ZNF253: variants seen among roughly 807,000 people sequenced by gnomAD.
ZNF253 encodes zinc finger protein 253, also known as DNA-binding protein.
Under a neutral mutation model 11.9 loss-of-function variants are expected in ZNF253, and 8 were observed. The ratio of observed to expected loss-of-function variants is 0.67; its 90% CI spans 0.40 to 1.22. The LOEUF (loss-of-function observed/expected upper bound fraction) is 1.22. ZNF253 is among the 50% of genes most tolerant of loss of function. ZNF253 has a pLI of 0.01. For missense variants in ZNF253, 485 were observed against 586.9 expected (o/e 0.83, Z 1.79); for synonymous variants, 194 against 194.9 (o/e 1.00, Z 0.04).
At chr19:19,875,769 T>C (rs1024395717) in intron 1 of ZNF253, among the ~76,000 whole-genome samples, 3 of 151,982 alleles carry the variant, frequency 2.0e-5, no homozygotes, top group Non-Finnish European at 4.4e-5. Context: ...TTTAAAAAGT[T>C]GATGATGGAG....
In ZNF253 at chr19:19,894,320, T is replaced by C. The variant is rs1488239201; in HGVS notation, c.*1573T>C. ...GCTTTATGCTATTTTATTCCTATTA[T>C]ATTCACATGTGAAAGCATGTGATCA... is the stretch of plus-strand genomic sequence containing the variant. On this transcript the variant is annotated 3_prime_UTR_variant, in exon 4 of 4. Transcript: ENST00000589717. 6.6e-6 allele frequency: 1 copy of C among 152,232 alleles called. No homozygotes were observed. The highest frequency in any genetic ancestry group is 1.5e-5 in the Non-Finnish European group (1 of 68,020). The allele number at this position is 152,232 out of a possible 1,614,324, so 9.4% of individuals were successfully genotyped here.
At chr19:19,872,367 A>G (rs1297221224) in intron 1 of ZNF253, among the ~76,000 whole-genome samples, 1 of 151,864 alleles carries the variant, frequency 6.6e-6, no homozygotes, top group East Asian at 1.9e-4. Flanking sequence ...GAAATAAAAA[A>G]CTTTTATCTG....
chr19:19,878,421 G>C (rs1374695869), intron 1 of ZNF253, 60 bp from the exon 2 acceptor site: 1 of 1,611,460 alleles, frequency 6.2e-7, no homozygotes, highest in African/African-American at 1.3e-5. Flanking sequence ...TTCACCTTAA[G>C]TCAAATTAAA....
At position 19,892,529 on chromosome 19, in the gene ZNF253, G is replaced by C; in HGVS notation, c.1282G>C (p.Glu428Gln). The C allele has an allele frequency of 6.2e-7, 1 of 1,613,858 alleles. No individual in the cohort carries two copies. The highest frequency in any genetic ancestry group is 8.5e-7 in the Non-Finnish European group (1 of 1,179,956). ...HTGEKPYKCE[E>Q]CGKSFTASST... ...TGGAGAGAAACCCTACAAATGTGAA[G>C]AATGTGGCAAATCCTTTACTGCATC... Residue 428 changes from glutamate to glutamine, a missense_variant, in exon 4 of 4, where the codon GAA (glutamate) becomes CAA (glutamine). Physicochemically the swap from Glu to Gln is conservative, Grantham distance 29. Coordinates refer to ENST00000589717, the MANE Select transcript of ZNF253 (RefSeq NM_021047.3).
Position 19,884,009 on chromosome 19 carries a change from A to T in ZNF253, c.226+3863A>T, listed in dbSNP as rs7255823. Among the ~76,000 whole-genome samples, 867 of 150,904 alleles carry T rather than the reference A, an allele frequency of 5.7e-3. 11 individuals are homozygous for T. Among genetic ancestry groups the T allele is most frequent in the African/African-American group, 0.019 (785 of 41,020 alleles). On this transcript the variant is annotated intron_variant, in intron 3 of 3. Coordinates refer to ENST00000589717, the MANE Select transcript of ZNF253 (RefSeq NM_021047.3). ...GAGGTGGAGGTTGCAGTGAGCCAAG[A>T]TCGGGCCATTGCACTCCAGCCTGGT...
intron 2 of ZNF253, among the ~76,000 whole-genome samples, chr19:19,879,785 C>A (rs1242162417): frequency 6.6e-6 from 1 of 152,112 alleles, no homozygotes; most frequent in Admixed American, 6.5e-5. Flanking sequence ...AGTGGTAACT[C>A]CAGAAATTTA....
rs1463599288 is a variant in ZNF253, at chr19:19,878,537, C to A, written c.60C>A (p.Cys20Ter). The change falls in exon 2 of 4, where the codon TGC becomes TGA. Residue 20 changes from cysteine to a stop codon, truncating the protein, a stop_gained. Transcript: ENST00000589717. LOFTEE classifies it high-confidence loss of function. Reference sequence around the variant, plus strand: ...AATTCTCTCTGGAGGAGTGGCATTGCCTGGACACTGCACAGCGGAATTTAT... The same window carrying A: ...AATTCTCTCTGGAGGAGTGGCATTGACTGGACACTGCACAGCGGAATTTAT... Reference protein sequence around the residue: ...AIEFSLEEWHCLDTAQRNLYR... With the variant: ...AIEFSLEEWH 1 of 1,613,790 alleles carries A rather than the reference C, an allele frequency of 6.2e-7. No homozygotes were observed. Among genetic ancestry groups the A allele is most frequent in the African/African-American group, 1.3e-5 (1 of 74,836 alleles).
rs147072737 is a variant in ZNF253 at position 19,881,785 on chromosome 19, T to C, written c.226+1639T>C. On this transcript the variant is annotated intron_variant, in intron 3 of 3. Transcript: ENST00000589717. ...TGTTTATGGTTTTTTAAATATGTGA[T>C]TGTATGATCTACAGACAGCAACTTT... Among the ~76,000 whole-genome samples the C allele has an allele frequency of 2.1e-3, 322 of 152,262 alleles. 3 individuals carry two copies. The highest frequency in any genetic ancestry group is 7.3e-3 in the African/African-American group (305 of 41,544).
intron 1 of ZNF253, among the ~76,000 whole-genome samples, chr19:19,869,881 G>C (rs1308270637): frequency 6.6e-6 from 1 of 151,492 alleles, no homozygotes; most frequent in Non-Finnish European, 1.5e-5. Context: ...ATGTTGGTCA[G>C]ACTGGTCTCG....
Position 19,892,015 on chromosome 19 carries a change from C to T in ZNF253, c.768C>T (p.Tyr256=), listed in dbSNP as rs1427743723. ...AAATTCATACTGGAGAGAAACCCTA[C>T]AAATGTGAAGAATGTGGCAAAGCCT... ...HKKIHTGEKP[Y]KCEECGKAFN... is the part of the protein sequence containing the mutation. The change falls in exon 4 of 4, where the codon TAC becomes TAT. Residue 256 remains tyrosine, a synonymous_variant. Coordinates refer to ENST00000589717, the MANE Select transcript of ZNF253 (RefSeq NM_021047.3). The T allele has an allele frequency of 1.9e-6, 3 of 1,613,854 alleles. No individual in the cohort carries two copies. Among genetic ancestry groups the T allele is most frequent in the Non-Finnish European group, 2.5e-6 (3 of 1,179,988 alleles).
In ZNF253 at chr19:19,865,909, G is replaced by C; in HGVS notation, c.-88G>C. The C allele has an allele frequency of 1.3e-6, 2 of 1,527,688 alleles. No individual in the cohort carries two copies. The highest frequency in any genetic ancestry group is 1.8e-6 in the Non-Finnish European group (2 of 1,101,270). 94.6% of individuals were successfully genotyped at this position (1,527,688 alleles called of 1,614,324 possible). A position where few individuals can be genotyped will look rare whatever the true frequency, so the allele number is the denominator to read the frequency against. ...TTATCCTCAGTGTTCTGTGTCCTGT[G>C]CTTATAGAGGCCCGTCCTCTGTGGC... On this transcript the variant is annotated 5_prime_UTR_variant, in exon 1 of 4. Transcript: ENST00000589717.
At chr19:19,872,600 T>TAA (rs999174924) in intron 1 of ZNF253, among the ~76,000 whole-genome samples, 7 of 134,994 alleles carry the variant, frequency 5.2e-5, no homozygotes, top group Non-Finnish European at 7.7e-5. Context: ...TATATATATA[T>TAA]AATCAAGTTT....
chr19:19,867,753 A>G (rs567222413), intron 1 of ZNF253, among the ~76,000 whole-genome samples: 83 of 152,364 alleles, frequency 5.4e-4, no homozygotes, highest in African/African-American at 1.9e-3. Flanking sequence ...ATGAACATAC[A>G]TATGAATGTA....
rs754274616 is a variant in ZNF253, at chr19:19,891,513, A to T, written c.266A>T (p.Asn89Ile). 1 of 1,610,600 alleles carries T rather than the reference A, an allele frequency of 6.2e-7. No homozygotes were observed. Among genetic ancestry groups the T allele is most frequent in the Admixed American group, 1.7e-5 (1 of 59,332 alleles). The change falls in exon 4 of 4, where the codon AAC becomes ATC. Residue 89 changes from asparagine (N) to isoleucine (I), a missense_variant. By Grantham distance (149) the Asn-to-Ile change is moderately radical (BLOSUM62 -3). Around this residue, in one of 3 missense-constraint regions of ZNF253, gnomAD observed 218 missense variants for 213.1 expected, o/e 1.02. Coordinates refer to ENST00000589717, the MANE Select transcript of ZNF253 (RefSeq NM_021047.3). Reference protein sequence around the residue: ...SHFAQDLWPENIQNSFQIGML... With the variant: ...SHFAQDLWPEIIQNSFQIGML... ...TTTGCCCAAGACCTTTGGCCAGAGA[A>T]CATACAAAATTCTTTCCAAATAGGG...
chr19:19,881,605 C>T (rs2063177982), intron 3 of ZNF253, among the ~76,000 whole-genome samples: 1 of 150,064 alleles, frequency 6.7e-6, no homozygotes, highest in South Asian at 2.1e-4. Context: ...GCCGAGATCA[C>T]CCCATTGCAC....
intron 1 of ZNF253, among the ~76,000 whole-genome samples, chr19:19,877,365 GTTC>G (rs755113889): frequency 4.6e-4 from 69 of 150,042 alleles, no homozygotes; most frequent in Non-Finnish European, 5.9e-4. Flanking sequence ...GTGATGCTGT[GTTC>G]TTCTTCTTCT....
intron 3 of ZNF253, among the ~76,000 whole-genome samples, chr19:19,880,719 A>G (rs79519055): frequency 0.028 from 4,220 of 151,976 alleles, 137 homozygotes; most frequent in African/African-American, 0.083. Flanking sequence ...AAAAAAAAAA[A>G]AGAGAGAATG....
intron 3 of ZNF253, among the ~76,000 whole-genome samples, chr19:19,886,775 T>A (rs145722209): frequency 2.8e-3 from 423 of 152,344 alleles, no homozygotes; most frequent in Non-Finnish European, 4.7e-3. Context: ...AAACCTTTTT[T>A]CTTTATAAAT....
chr19:19,888,515 A>ATC (rs2063215799), intron 3 of ZNF253, among the ~76,000 whole-genome samples: 1 of 150,322 alleles, frequency 6.7e-6, no homozygotes, highest in Non-Finnish European at 1.5e-5. Context: ...TCTTAGTGGT[A>ATC]TCTAGGGGAT....
Sources: gnomAD v4.1 joint callset for allele counts (sites outside exome capture counted in the v4.1 genomes callset) on GRCh38, gnomAD v4.1.1 for gene constraint, gnomAD v4.1.1 regional missense constraint, MANE v1.5 for transcripts, NCBI Gene and HGNC (gene_info 2026-07-23, HGNC 2026-07-21) for gene names.